KCNB2: variants seen among roughly 807,000 people sequenced by gnomAD.
KCNB2 encodes potassium voltage-gated channel subfamily B member 2, also known as delayed rectifier potassium channel protein.
In KCNB2, 15 loss-of-function variants were observed where a neutral mutation model predicts 61.5. That is an observed-to-expected ratio of 0.24 (90% CI 0.16 to 0.38). KCNB2 has a LOEUF of 0.38. Ranked by LOEUF, KCNB2 falls within the 10% of genes least tolerant of loss-of-function variation. The pLI is 1.00. For synonymous variants in KCNB2, 457 were observed against 446.0 expected, an observed-to-expected ratio of 1.02 and a Z score of -0.31; for missense variants, 828 against 1,125.2, an observed-to-expected ratio of 0.74 and a Z score of 3.78.
chr8:72,562,101 T>C (rs1304760002), intron 1 of KCNB2, among the ~76,000 whole-genome samples: 1 of 152,024 alleles, frequency 6.6e-6, no homozygotes, highest in Non-Finnish European at 1.5e-5. Context: ...TTGTTTGCAG[T>C]GCCTGCTCAG....
intron 2 of KCNB2, among the ~76,000 whole-genome samples, chr8:72,734,745 A>C (rs1357375156): frequency 6.6e-6 from 1 of 152,174 alleles, no homozygotes; most frequent in Admixed American, 6.5e-5. Flanking sequence ...GACGTGCTCT[A>C]GGGGATTACC....
chr8:72,933,987 A>G (rs1806844420), intron 2 of KCNB2, among the ~76,000 whole-genome samples: 3 of 152,228 alleles, frequency 2.0e-5, no homozygotes, highest in Admixed American at 1.3e-4. Context: ...AGGTCCATAA[A>G]TCTTTATTTA....
chr8:72,851,635 T>C (rs1010425319), intron 2 of KCNB2, among the ~76,000 whole-genome samples: 1 of 151,904 alleles, frequency 6.6e-6, no homozygotes, highest in Non-Finnish European at 1.5e-5. Flanking sequence ...CACTGAGCAT[T>C]TAGTCAGGTT....
chr8:72,785,026 GA>G (rs931677672), intron 2 of KCNB2, among the ~76,000 whole-genome samples: 17 of 152,008 alleles, frequency 1.1e-4, no homozygotes, highest in African/African-American at 3.9e-4. Flanking sequence ...TAGACTTTCA[GA>G]TTTTTTAAAA....
chr8:72,692,274 T>C (rs1259586307), intron 2 of KCNB2, among the ~76,000 whole-genome samples: 2 of 152,004 alleles, frequency 1.3e-5, no homozygotes, highest in African/African-American at 4.8e-5. Flanking sequence ...AGCTTATATT[T>C]TGTACATCTT....
At chr8:72,932,403 T>C (rs548122208) in intron 2 of KCNB2, among the ~76,000 whole-genome samples, 1 of 152,324 alleles carries the variant, frequency 6.6e-6, no homozygotes, top group East Asian at 1.9e-4. Flanking sequence ...TCTAAATGGG[T>C]CCAGGTGCTG....
intron 2 of KCNB2, among the ~76,000 whole-genome samples, chr8:72,835,646 G>T (rs1809768881): frequency 6.6e-6 from 1 of 152,200 alleles, no homozygotes; most frequent in Non-Finnish European, 1.5e-5. Context: ...AGGGGTGTAA[G>T]CAAACTAGAA....
chr8:72,577,320 T>A (rs1043728816), intron 2 of KCNB2, among the ~76,000 whole-genome samples: 30 of 151,556 alleles, frequency 2.0e-4, no homozygotes, highest in African/African-American at 7.0e-4. Context: ...TGTGTGTGTG[T>A]GAGAAAGAGA....
intron 2 of KCNB2, among the ~76,000 whole-genome samples, chr8:72,672,413 T>G (rs1317471001): frequency 6.6e-6 from 1 of 152,132 alleles, no homozygotes; most frequent in Non-Finnish European, 1.5e-5. Context: ...CACCAGCAAT[T>G]ATCAACATGC....
intron 2 of KCNB2, among the ~76,000 whole-genome samples, chr8:72,701,882 A>G (rs1314138461): frequency 6.6e-6 from 1 of 152,180 alleles, no homozygotes; most frequent in Non-Finnish European, 1.5e-5. Context: ...ACAAAGCAGT[A>G]CTTTTTCATA....
At chr8:72,857,225 G>A (rs1585935523) in intron 2 of KCNB2, among the ~76,000 whole-genome samples, 1 of 152,122 alleles carries the variant, frequency 6.6e-6, no homozygotes, top group Non-Finnish European at 1.5e-5. Context: ...AAAGGTATGA[G>A]AGCTTTTAGA....
intron 2 of KCNB2, among the ~76,000 whole-genome samples, chr8:72,641,951 C>G (rs1025055609): frequency 6.6e-6 from 1 of 152,184 alleles, no homozygotes; most frequent in Non-Finnish European, 1.5e-5. Flanking sequence ...GCCAGAAACA[C>G]TTATTCAGTG....
intron 2 of KCNB2, among the ~76,000 whole-genome samples, chr8:72,710,459 C>CATATATATAT (rs142371083): frequency 1.3e-5 from 2 of 149,308 alleles, no homozygotes; most frequent in African/African-American, 4.9e-5. Flanking sequence ...GCATGCTCTG[C>CATATATATAT]ATATATATAT....
chr8:72,821,730 C>G (rs1809515131), intron 2 of KCNB2, among the ~76,000 whole-genome samples: 1 of 150,598 alleles, frequency 6.6e-6, no homozygotes, highest in African/African-American at 2.4e-5. Flanking sequence ...AAATGTGGTA[C>G]CATTCAATTT....
chr8:72,610,029 C>T (rs1444059741), intron 2 of KCNB2, among the ~76,000 whole-genome samples: 1 of 151,966 alleles, frequency 6.6e-6, no homozygotes, highest in African/African-American at 2.4e-5. Context: ...TTTGTTGTAC[C>T]TTCTAAAGTG....
Position 72,937,346 on chromosome 8 carries a change from A to T in KCNB2, c.1991A>T (p.Asp664Val). The T allele has an allele frequency of 1.2e-6, 2 of 1,614,038 alleles. No homozygotes were observed. Among genetic ancestry groups the T allele is most frequent in the Non-Finnish European group, 1.7e-6 (2 of 1,179,998 alleles). ...LSREKGPAAR[D>V]GTLEYAPVDI... ...AGAGAGAAAGGACCTGCTGCCAGGGATGGCACGCTGGAGTATGCCCCAGTT... is the reference window on the plus strand; with the variant it reads ...AGAGAGAAAGGACCTGCTGCCAGGGTTGGCACGCTGGAGTATGCCCCAGTT... The change falls in exon 3 of 3, where the codon GAT becomes GTT. Residue 664 changes from aspartate to valine, a missense_variant. Transcript: ENST00000523207.
chr8:72,761,931 C>T (rs1042178768), intron 2 of KCNB2, among the ~76,000 whole-genome samples: 4 of 152,058 alleles, frequency 2.6e-5, no homozygotes, highest in African/African-American at 9.7e-5. Flanking sequence ...CCTATAGACT[C>T]TATAGTATAG....
chr8:72,716,525 C>T (rs981382541), intron 2 of KCNB2, among the ~76,000 whole-genome samples: 25 of 152,264 alleles, frequency 1.6e-4, no homozygotes, highest in East Asian at 3.9e-4. Flanking sequence ...AATCAATAAA[C>T]GTAATCCAGC....
At chr8:72,738,539 T>C (rs1456549611) in intron 2 of KCNB2, among the ~76,000 whole-genome samples, 2 of 152,190 alleles carry the variant, frequency 1.3e-5, no homozygotes, top group South Asian at 4.1e-4. Flanking sequence ...CGTCTATCCT[T>C]CAGAGCCAGC....
Sources: allele counts gnomAD v4.1 joint callset (sites outside exome capture counted in the v4.1 genomes callset), GRCh38; gene constraint gnomAD v4.1.1; transcripts MANE v1.5; gene names NCBI Gene and HGNC (gene_info 2026-07-23, HGNC 2026-07-21).